Variants in DGKG observed in about 807,000 individuals in gnomAD.
DGKG encodes the protein diacylglycerol kinase gamma.
A neutral mutation model predicts 105.3 loss-of-function variants in DGKG; 78 were observed. The observed-to-expected ratio is 0.74, with a 90% CI of 0.62 to 0.89. The LOEUF (loss-of-function observed/expected upper bound fraction) is 0.89, where lower values mean the gene tolerates loss of function less well. Ranked by LOEUF, DGKG falls within the 40% of genes least tolerant of loss-of-function variation. The pLI is 0.00. For synonymous variants in DGKG, 346 were observed against 367.1 expected (o/e 0.94, Z 0.66); for missense variants, 958 against 1,020.1 (o/e 0.94, Z 0.83).
intron 20 of DGKG, 134 bp from the exon 21 acceptor site, chr3:186,212,019 C>T (rs1719062015): frequency 3.0e-6 from 2 of 673,374 alleles, no homozygotes; most frequent in African/African-American, 3.6e-5. Context: ...ACTTGTTAAT[C>T]AGATGATCAA....
chr3:186,209,958 G>T (rs969805242), intron 21 of DGKG, among the ~76,000 whole-genome samples: 1 of 152,172 alleles, frequency 6.6e-6, no homozygotes, highest in Non-Finnish European at 1.5e-5. Flanking sequence ...AGGAAAACAG[G>T]AAGTGCTTCT....
At chr3:186,232,167 C>T (rs2108541293) in intron 20 of DGKG, among the ~76,000 whole-genome samples, 1 of 152,294 alleles carries the variant, frequency 6.6e-6, no homozygotes, top group East Asian at 1.9e-4. Context: ...ATCTTTAAAA[C>T]ACTCAATGAC....
At chr3:186,200,488 T>C (rs1578656017) in intron 21 of DGKG, among the ~76,000 whole-genome samples, 1 of 152,192 alleles carries the variant, frequency 6.6e-6, no homozygotes, top group East Asian at 1.9e-4. Flanking sequence ...TTCCTATCTT[T>C]GGAGTATTCA....
At chr3:186,308,684 A>G (rs1201395717) in intron 2 of DGKG, among the ~76,000 whole-genome samples, 1 of 152,254 alleles carries the variant, frequency 6.6e-6, no homozygotes, top group Non-Finnish European at 1.5e-5. Context: ...TCTGAAATTC[A>G]AAACAGATGT....
At chr3:186,278,225 T>C (rs140878068) in intron 9 of DGKG, among the ~76,000 whole-genome samples, 3 of 152,238 alleles carry the variant, frequency 2.0e-5, no homozygotes, top group Admixed American at 1.3e-4. Context: ...ATTGATTCCC[T>C]GTAACTAAAA....
intron 1 of DGKG, among the ~76,000 whole-genome samples, chr3:186,323,121 C>T (rs1725160232): frequency 6.6e-6 from 1 of 152,342 alleles, no homozygotes; most frequent in Admixed American, 6.5e-5. Flanking sequence ...GATCACATCT[C>T]TCTCGGTAAT....
chr3:186,285,624 T>C (rs1016206739), intron 6 of DGKG, among the ~76,000 whole-genome samples: 2 of 152,042 alleles, frequency 1.3e-5, no homozygotes, highest in African/African-American at 4.8e-5. Flanking sequence ...TAAGTCAGCA[T>C]GGCAGGAAGC....
In DGKG at chr3:186,338,132, T is replaced by C. The variant is rs567517761; in HGVS notation, c.-248-17425A>G. Among the ~76,000 whole-genome samples, 3 of 141,308 alleles carry C rather than the reference T, an allele frequency of 2.1e-5. No individual in the cohort carries two copies. The South Asian group carries it at 6.5e-4, about 31-fold the overall frequency. The allele number at this position is 141,308 out of a possible 152,430, so 92.7% of individuals were successfully genotyped here. ...TTGTAGTGAGCCAAGAACGAGCCACTGCACTCTAGCCCAGGCAACAGAGTG... is the reference window on the plus strand; with the variant it reads ...TTGTAGTGAGCCAAGAACGAGCCACCGCACTCTAGCCCAGGCAACAGAGTG... On this transcript the variant is annotated intron_variant, in intron 1 of 24. Coordinates refer to ENST00000265022, the MANE Select transcript of DGKG (RefSeq NM_001346.3).
intron 1 of DGKG, among the ~76,000 whole-genome samples, chr3:186,355,511 T>C (rs1012540615): frequency 3.5e-5 from 5 of 143,784 alleles, no homozygotes; most frequent in South Asian, 4.4e-4. Flanking sequence ...ACCACCACCA[T>C]CACCTCCACT....
intron 10 of DGKG, among the ~76,000 whole-genome samples, chr3:186,273,125 G>C (rs1180640457): frequency 6.6e-6 from 1 of 152,176 alleles, no homozygotes; most frequent in African/African-American, 2.4e-5. Flanking sequence ...AAAAAGGGAA[G>C]AAAACGGCCT....
At chr3:186,184,305 A>T (rs1373168039) in intron 22 of DGKG, among the ~76,000 whole-genome samples, 1 of 152,198 alleles carries the variant, frequency 6.6e-6, no homozygotes, top group Non-Finnish European at 1.5e-5. Flanking sequence ...AACCCAGATT[A>T]TCTAACTGTA....
In DGKG at chr3:186,147,525, A is replaced by G; in HGVS notation, c.*2565T>C. Reference sequence around the variant, plus strand: ...TTAAACAACAACACAAGATTTACTAAGGTTACCAAACTGGAAGTGCAATTC... The same window carrying G: ...TTAAACAACAACACAAGATTTACTAGGGTTACCAAACTGGAAGTGCAATTC... On this transcript the variant is annotated 3_prime_UTR_variant, in exon 25 of 25. Coordinates refer to ENST00000265022, the MANE Select transcript of DGKG (RefSeq NM_001346.3). 1.0e-6 allele frequency: 1 copy of G among 985,404 alleles called. No individual in the cohort carries two copies. The highest frequency in any genetic ancestry group is 1.2e-6 in the Non-Finnish European group (1 of 829,882). 61.0% of individuals were successfully genotyped at this position (985,404 alleles called of 1,614,324 possible). A position where few individuals can be genotyped will look rare whatever the true frequency, so the allele number is the denominator to read the frequency against.
At position 186,210,007 on chromosome 3, in the gene DGKG, C is replaced by T. The variant is rs959867738; in HGVS notation, c.1917+1788G>A. The stretch of plus-strand genomic sequence containing the variant: ...AACACCCTCCCTCCAGACCAGTGAA[C>T]AACCCCACCCCCTCCAGAGGCCACC... On this transcript the variant is annotated intron_variant, in intron 21 of 24. Transcript: ENST00000265022. The surrounding 1 kb of genome is among the most constrained non-coding windows in gnomAD (Gnocchi z 5.2). Among the ~76,000 whole-genome samples, 1 of 152,204 alleles carries T rather than the reference C, an allele frequency of 6.6e-6. No homozygotes were observed. The highest frequency in any genetic ancestry group is 1.9e-4 in the East Asian group (1 of 5,192).
At chr3:186,352,104 T>TA (rs944415645) in intron 1 of DGKG, among the ~76,000 whole-genome samples, 29 of 152,232 alleles carry the variant, frequency 1.9e-4, no homozygotes, top group Admixed American at 1.7e-3. Context: ...CAGGCAATGT[T>TA]AATGTTAAAC....
chr3:186,263,841 C>T (rs1721909937), intron 14 of DGKG, among the ~76,000 whole-genome samples: 2 of 152,184 alleles, frequency 1.3e-5, no homozygotes, highest in African/African-American at 4.8e-5. Context: ...GGACGCACAG[C>T]TCTGCTCCAT....
intron 9 of DGKG, chr3:186,279,278 G>A (rs1156576676): frequency 6.6e-6 from 1 of 152,336 alleles, no homozygotes; most frequent in African/African-American, 2.4e-5. Flanking sequence ...ATTACAAAGT[G>A]CAACATCTTT....
intron 6 of DGKG, among the ~76,000 whole-genome samples, chr3:186,285,346 G>T (rs1278466745): frequency 6.6e-6 from 1 of 152,108 alleles, no homozygotes; most frequent in Admixed American, 6.5e-5. Flanking sequence ...CATATACAAG[G>T]TACTGTCCTA....
intron 5 of DGKG, among the ~76,000 whole-genome samples, 200 bp downstream of exon 5, chr3:186,297,221 C>G (rs769165746): frequency 1.2e-4 from 19 of 152,116 alleles, no homozygotes; most frequent in Non-Finnish European, 2.6e-4. Context: ...AAGCAAAAAC[C>G]TTTACCCAGC....
intron 1 of DGKG, among the ~76,000 whole-genome samples, chr3:186,349,895 T>C (rs1726543673): frequency 6.6e-6 from 1 of 152,118 alleles, no homozygotes; most frequent in African/African-American, 2.4e-5. Flanking sequence ...GAACCTTTTT[T>C]TTTTTTTGAG....
Sources: gnomAD v4.1 joint callset for allele counts (sites outside exome capture counted in the v4.1 genomes callset) on GRCh38, gnomAD v4.1.1 for gene constraint, Gnocchi (gnomAD v3.1) non-coding constraint, MANE v1.5 for transcripts, NCBI Gene and HGNC (gene_info 2026-07-23, HGNC 2026-07-21) for gene names.